Variants in FAIM2 observed in about 807,000 individuals in gnomAD.
FAIM2 encodes the protein Fas apoptotic inhibitory molecule 2.
In FAIM2, 27 loss-of-function variants were observed where a neutral mutation model predicts 47.4. That is an observed-to-expected ratio of 0.57 (90% CI 0.42 to 0.78). The LOEUF (loss-of-function observed/expected upper bound fraction) is 0.78, where lower values mean the gene tolerates loss of function less well. Ranked by LOEUF, FAIM2 falls within the 30% of genes least tolerant of loss-of-function variation. The probability of loss-of-function intolerance (pLI) is 0.00; values close to 1 mark genes in which losing one functional copy is unlikely to be tolerated. For missense variants in FAIM2, 311 were observed against 389.4 expected (o/e 0.80, Z 1.69); for synonymous variants, 156 against 159.3 (o/e 0.98, Z 0.16).
At chr12:49,884,554 A>G (rs559627455) in intron 11 of FAIM2, among the ~76,000 whole-genome samples, 2 of 152,222 alleles carry the variant, frequency 1.3e-5, no homozygotes, top group Non-Finnish European at 2.9e-5. Context: ...CCTCTCCCCA[A>G]TTCCAAGCCA....
In FAIM2 at chr12:49,869,140, CT is replaced by C. The variant is rs1281969665; in HGVS notation, c.*1363del. Reference sequence around the variant, plus strand: ...GGCCACTGCACATGCTGGCTGCACGCTCCCCCAGTGTGGCCTCCTGGTTCCC... The same window carrying C: ...GGCCACTGCACATGCTGGCTGCACGCCCCCCAGTGTGGCCTCCTGGTTCCC... On this transcript the variant is annotated 3_prime_UTR_variant, in exon 12 of 12. Transcript: ENST00000320634. 6.6e-6 allele frequency: 1 copy of C among 152,550 alleles called. No individual in the cohort carries two copies. Among genetic ancestry groups the C allele is most frequent in the African/African-American group, 2.4e-5 (1 of 41,464 alleles). The allele number at this position is 152,550 out of a possible 1,614,324, so 9.4% of individuals were successfully genotyped here.
intron 5 of FAIM2, among the ~76,000 whole-genome samples, chr12:49,892,611 C>T (rs371568404): frequency 6.6e-6 from 1 of 152,060 alleles, no homozygotes; most frequent in Non-Finnish European, 1.5e-5. Context: ...ACCCCTGGGT[C>T]CCTCCTACCT....
At chr12:49,893,852 T>C (rs1565618917) in intron 5 of FAIM2, among the ~76,000 whole-genome samples, 2 of 152,218 alleles carry the variant, frequency 1.3e-5, no homozygotes, top group Non-Finnish European at 2.9e-5. Flanking sequence ...CTTGAGTCAT[T>C]GGTCAGCCAC....
At chr12:49,897,393 G>A in intron 4 of FAIM2, 126 bp downstream of exon 4, 1 of 883,526 alleles carries the variant, frequency 1.1e-6, no homozygotes, top group Admixed American at 2.1e-5. Context: ...CCCAGCAGGA[G>A]GAGGCCCACT....
chr12:49,889,379 C>G, intron 9 of FAIM2, 102 bp downstream of exon 9: 1 of 1,161,398 alleles, frequency 8.6e-7, no homozygotes, highest in South Asian at 1.3e-5. Context: ...CCCTTTACTT[C>G]TCTCCCCAGC....
chr12:49,889,642 T>TCTC, intron 8 of FAIM2, 74 bp from the exon 9 acceptor site: 1 of 1,260,888 alleles, frequency 7.9e-7, no homozygotes, highest in Non-Finnish European at 1.2e-6. Flanking sequence ...AGCAGGCCCC[T>TCTC]CTCTTCTGCC....
At chr12:49,895,514 G>T (rs1427175079) in intron 5 of FAIM2, among the ~76,000 whole-genome samples, 2 of 152,200 alleles carry the variant, frequency 1.3e-5, no homozygotes, top group African/African-American at 4.8e-5. Context: ...ATGCTGATGT[G>T]CCAGAAGCCA....
intron 1 of FAIM2, 36 bp downstream of exon 1, chr12:49,903,742 G>A: frequency 6.4e-7 from 1 of 1,550,962 alleles, no homozygotes; most frequent in Non-Finnish European, 8.7e-7. Flanking sequence ...GGAGCCGGAG[G>A]ATGGAGGATG....
At chr12:49,895,632 G>A (rs1200695649) in intron 5 of FAIM2, among the ~76,000 whole-genome samples, 1 of 152,196 alleles carries the variant, frequency 6.6e-6, no homozygotes, top group Non-Finnish European at 1.5e-5. Context: ...CTGCCTGCCT[G>A]CAGACAGGCC....
intron 2 of FAIM2, 47 bp from the exon 3 acceptor site, chr12:49,898,137 G>T (rs1382555322): frequency 9.1e-6 from 13 of 1,429,636 alleles, no homozygotes; most frequent in Non-Finnish European, 1.2e-5. Context: ...CCCCTACATA[G>T]AATTACTGTC....
intron 11 of FAIM2, among the ~76,000 whole-genome samples, chr12:49,881,446 G>A (rs1302686931): frequency 6.6e-6 from 1 of 152,068 alleles, no homozygotes; most frequent in Non-Finnish European, 1.5e-5. Flanking sequence ...CTGATTTAGG[G>A]GGCTCAGAGA....
intron 11 of FAIM2, among the ~76,000 whole-genome samples, chr12:49,879,667 A>C (rs12582371): frequency 7.0e-6 from 1 of 143,406 alleles, no homozygotes; most frequent in Non-Finnish European, 1.6e-5. Flanking sequence ...TGTATATGTG[A>C]GTGTGTGCAT....
At chr12:49,880,500 G>A (rs527587771) in intron 11 of FAIM2, among the ~76,000 whole-genome samples, 1 of 150,770 alleles carries the variant, frequency 6.6e-6, no homozygotes, top group East Asian at 2.0e-4. Flanking sequence ...GTGTATGTGT[G>A]TGTATGAGTG....
At position 49,867,059 on chromosome 12, in the gene FAIM2, G is replaced by C. The variant is rs1471766294; in HGVS notation, c.*3445C>G. 6.6e-6 allele frequency: 1 copy of C among 152,576 alleles called. No homozygotes were observed. Among genetic ancestry groups the C allele is most frequent in the Admixed American group, 6.5e-5 (1 of 15,306 alleles). 9.5% of individuals were successfully genotyped at this position (152,576 alleles called of 1,614,324 possible). Reference sequence around the variant, plus strand: ...GTGGCAGCTGGCCTGGGTCCCTGGAGCTGTGTCTGCCCTCAGGGACTCAGG... The same window carrying C: ...GTGGCAGCTGGCCTGGGTCCCTGGACCTGTGTCTGCCCTCAGGGACTCAGG... On this transcript the variant is annotated 3_prime_UTR_variant, in exon 12 of 12. Transcript: ENST00000320634.
At position 49,898,090 on chromosome 12, in the gene FAIM2, C is replaced by T. The variant is rs752627863; in HGVS notation, c.212G>A (p.Ser71Asn). 7 of 1,612,352 alleles carry T rather than the reference C, an allele frequency of 4.3e-6. No individual in the cohort carries two copies. In the East Asian group the frequency reaches 1.6e-4, roughly 36 times the overall value. The stretch of plus-strand genomic sequence containing the variant: ...ACCGTTGTCATAGCTGGAGCTGCTG[C>T]CTGTGTGGCACGTGGAGGAGGAGGA... ...LHPSWAYVDPSSSSSYDNGFP... is the reference protein window; with the variant it reads ...LHPSWAYVDPNSSSSYDNGFP... The change falls in exon 3 of 12, where the codon AGC (serine) becomes AAC (asparagine). Residue 71 changes from serine to asparagine, a missense_variant and splice_region_variant. Physicochemically the swap from Ser to Asn is conservative, Grantham distance 46. Coordinates refer to ENST00000320634, the MANE Select transcript of FAIM2 (RefSeq NM_012306.4).
rs537685012 is a variant in FAIM2 at position 49,900,206 on chromosome 12, C to T, written c.211+924G>A. 4.2e-4 allele frequency: 535 copies of T among 1,287,424 alleles called. 1 individual carries two copies. Among genetic ancestry groups the T allele is most frequent in the Non-Finnish European group, 5.0e-4 (490 of 987,812 alleles). The allele number at this position is 1,287,424 out of a possible 1,614,324, so 79.8% of individuals were successfully genotyped here. A position where few individuals can be genotyped will look rare whatever the true frequency, so the allele number is the denominator to read the frequency against. On this transcript the variant is annotated intron_variant, in intron 2 of 11. Coordinates refer to ENST00000320634, the MANE Select transcript of FAIM2 (RefSeq NM_012306.4). ...GGTGGGGTGAGTCTTCAGGGGTCTGCGCCCAGGGGATTTGTAGTGGGAGGT... is the reference window on the plus strand; with the variant it reads ...GGTGGGGTGAGTCTTCAGGGGTCTGTGCCCAGGGGATTTGTAGTGGGAGGT...
chr12:49,879,382 GTA>G (rs2137086145), intron 11 of FAIM2, among the ~76,000 whole-genome samples: 1 of 151,930 alleles, frequency 6.6e-6, no homozygotes, highest in African/African-American at 2.4e-5. Context: ...GTGTATATGT[GTA>G]TGTGGGTATG....
At chr12:49,879,806 CTG>C (rs1367580452) in intron 11 of FAIM2, among the ~76,000 whole-genome samples, 29 of 133,086 alleles carry the variant, frequency 2.2e-4, no homozygotes, top group Non-Finnish European at 3.7e-4. Flanking sequence ...GTGCATACGA[CTG>C]TGTATGTGCA....
intron 11 of FAIM2, among the ~76,000 whole-genome samples, chr12:49,872,571 G>A (rs1456744330): frequency 6.6e-6 from 1 of 152,164 alleles, no homozygotes; most frequent in Non-Finnish European, 1.5e-5. Context: ...AATCCTAGTC[G>A]AATCCCAGCC....
Sources: allele counts gnomAD v4.1 joint callset (sites outside exome capture counted in the v4.1 genomes callset), GRCh38; gene constraint gnomAD v4.1.1; transcripts MANE v1.5; gene names NCBI Gene and HGNC (gene_info 2026-07-23, HGNC 2026-07-21).